SPAM1: variants seen among roughly 807,000 people sequenced by gnomAD.
SPAM1 encodes the protein sperm adhesion molecule 1.
A neutral mutation model predicts 29.6 loss-of-function variants in SPAM1; 22 were observed. The ratio of observed to expected loss-of-function variants is 0.74; its 90% CI spans 0.53 to 1.06. The LOEUF is 1.06. Ranked by LOEUF, SPAM1 falls within the 50% of genes least tolerant of loss-of-function variation. The probability of loss-of-function intolerance (pLI) is 0.00; values close to 1 mark genes in which losing one functional copy is unlikely to be tolerated. For synonymous variants in SPAM1, 194 were observed against 204.6 expected, an observed-to-expected ratio of 0.95 and a Z score of 0.44; for missense variants, 534 against 604.0, an observed-to-expected ratio of 0.88 and a Z score of 1.21.
At chr7:123,962,829 A>T (rs1016137235), downstream of SPAM1, among the ~76,000 whole-genome samples, 2 of 151,908 alleles carry the variant, frequency 1.3e-5, no homozygotes, top group African/African-American at 4.8e-5. Context: ...ATTTGCTAAT[A>T]ATATGGAAGC....
chr7:123,947,622 A>G (rs1299283459), intron 1 of SPAM1: 1 of 148,652 alleles, frequency 6.7e-6, no homozygotes, highest in African/African-American at 2.5e-5. Flanking sequence ...ACACACACAG[A>G]CAGGTTCACA....
chr7:123,951,661 A>C lies in SPAM1; in HGVS notation c.-207+1678A>C, dbSNP rs1017483205. ...TCTTGAGACAGAGTCTCATTCTGTC[A>C]CCAAGGCTGAAGTACAGTGGTGCTA... is the stretch of plus-strand genomic sequence containing the variant. On this transcript the variant is annotated intron_variant, in intron 2 of 4. Coordinates refer to ENST00000682466, the MANE Select transcript of SPAM1 (RefSeq NM_153189.3). Among the ~76,000 whole-genome samples, 6 of 152,002 alleles carry C rather than the reference A, an allele frequency of 3.9e-5. No homozygotes were observed. In the East Asian group the frequency reaches 5.8e-4, roughly 15 times the overall value.
At chr7:123,960,651 A>G (rs1792346450), downstream of SPAM1, among the ~76,000 whole-genome samples, 1 of 151,914 alleles carries the variant, frequency 6.6e-6, no homozygotes, top group South Asian at 2.1e-4. Context: ...ACCTGTACAA[A>G]TATTACTACC....
intron 1 of SPAM1, among the ~76,000 whole-genome samples, chr7:123,946,153 T>C (rs1387806544): frequency 6.6e-6 from 1 of 152,140 alleles, no homozygotes; most frequent in Non-Finnish European, 1.5e-5. Context: ...GGAAGTGAGC[T>C]CAAATTACAG....
chr7:123,969,647 G>A (rs556049633), intron 5 of SPAM1, among the ~76,000 whole-genome samples: 2 of 152,134 alleles, frequency 1.3e-5, no homozygotes, highest in African/African-American at 2.4e-5. Context: ...GTTGGTCTAT[G>A]TGTCTGTTTT....
At chr7:123,955,143 G>T in intron 4 of SPAM1, 57 bp downstream of exon 4, 1 of 1,246,372 alleles carries the variant, frequency 8.0e-7, no homozygotes, top group Non-Finnish European at 1.2e-6. Context: ...TGTTTTTGGG[G>T]ATTGTTTTGG....
intron 1 of SPAM1, among the ~76,000 whole-genome samples, chr7:123,927,427 C>A (rs1398512332): frequency 6.6e-6 from 1 of 152,136 alleles, no homozygotes; most frequent in Admixed American, 6.5e-5. Flanking sequence ...AGGAGGGCAT[C>A]TATAGCGATT....
chr7:123,958,052 TTTGTCACATAAGTTCACA>T (rs1469072351), intron 4 of SPAM1, among the ~76,000 whole-genome samples: 3 of 152,020 alleles, frequency 2.0e-5, no homozygotes, highest in African/African-American at 7.2e-5. Flanking sequence ...CAAAGTCTCT[TTTGTCACATAAGTTCACA>T]TTGTCACAGG....
At chr7:123,927,726 A>G (rs1252003204) in intron 1 of SPAM1, among the ~76,000 whole-genome samples, 1 of 152,214 alleles carries the variant, frequency 6.6e-6, no homozygotes, top group Admixed American at 6.5e-5. Context: ...GAAAGAGGTT[A>G]TTAATGTATT....
chr7:123,935,640 A>C (rs1808225670), intron 1 of SPAM1, among the ~76,000 whole-genome samples: 1 of 152,198 alleles, frequency 6.6e-6, no homozygotes, highest in Non-Finnish European at 1.5e-5. Flanking sequence ...TAACTTACTA[A>C]GGCTAGTTAA....
chr7:123,948,094 A>G (rs904084570), intron 1 of SPAM1, among the ~76,000 whole-genome samples: 1 of 152,196 alleles, frequency 6.6e-6, no homozygotes, highest in African/African-American at 2.4e-5. Context: ...TCTGGTCAAT[A>G]TATTTATAAA....
intron 1 of SPAM1, among the ~76,000 whole-genome samples, chr7:123,931,018 T>C (rs1040032333): frequency 6.6e-6 from 1 of 152,078 alleles, no homozygotes; most frequent in Non-Finnish European, 1.5e-5. Flanking sequence ...CTTAAGTCAC[T>C]ACTCTCAACT....
In SPAM1 at chr7:123,951,814, G is replaced by T. The variant is rs1808776749; in HGVS notation, c.-206-1551G>T. 3.3e-5 allele frequency among the ~76,000 whole-genome samples: 5 copies of T among 152,032 alleles called. No individual in the cohort carries two copies. In the South Asian group the frequency reaches 1.0e-3, roughly 32 times the overall value. On this transcript the variant is annotated intron_variant, in intron 2 of 4. Transcript: ENST00000682466. ...TTTTTGTATTTCTAGTGGAGATGAGGTTTCACCACGTTGGTCAGGCTGGTC... is the reference window on the plus strand; with the variant it reads ...TTTTTGTATTTCTAGTGGAGATGAGTTTTCACCACGTTGGTCAGGCTGGTC...
intron 1 of SPAM1, among the ~76,000 whole-genome samples, chr7:123,939,211 G>A (rs79114472): frequency 0.25 from 38,344 of 150,778 alleles, 5,124 homozygotes; most frequent in Admixed American, 0.34. Context: ...TCAGCCTCCC[G>A]AGTACCTGGG....
downstream of SPAM1, among the ~76,000 whole-genome samples, chr7:123,961,660 A>AT (rs147494288): frequency 6.5e-4 from 99 of 151,952 alleles, 3 homozygotes; most frequent in East Asian, 0.019. Context: ...ATATATACTG[A>AT]TTTTTTTCCT....
At chr7:123,959,045 A>G (rs1246040255) in intron 4 of SPAM1, among the ~76,000 whole-genome samples, 1 of 151,974 alleles carries the variant, frequency 6.6e-6, no homozygotes, top group Non-Finnish European at 1.5e-5. Context: ...AAGTTAATCA[A>G]TTTGCCCAAA....
intron 1 of SPAM1, among the ~76,000 whole-genome samples, chr7:123,930,843 C>G (rs1307544293): frequency 7.2e-5 from 11 of 152,098 alleles, no homozygotes; most frequent in African/African-American, 2.4e-4. Flanking sequence ...TAGCACCCAC[C>G]ACCTAGCAAG....
intron 1 of SPAM1, among the ~76,000 whole-genome samples, chr7:123,948,108 C>T (rs1160709688): frequency 6.6e-6 from 1 of 152,006 alleles, no homozygotes; most frequent in Non-Finnish European, 1.5e-5. Context: ...TTATAAAAAA[C>T]AATAGTTTAA....
At chr7:123,939,830 AC>A (rs1271305931) in intron 1 of SPAM1, among the ~76,000 whole-genome samples, 1 of 151,762 alleles carries the variant, frequency 6.6e-6, no homozygotes, top group African/African-American at 2.4e-5. Flanking sequence ...ATCCTCCGTC[AC>A]CCCCCAGGAG....
Sources: allele counts gnomAD v4.1 joint callset (sites outside exome capture counted in the v4.1 genomes callset), GRCh38; gene constraint gnomAD v4.1.1; transcripts MANE v1.5; gene names NCBI Gene and HGNC (gene_info 2026-07-23, HGNC 2026-07-21).